The following KIF2C variants were observed in gnomAD, a reference collection of about 807,000 sequenced individuals.
KIF2C encodes kinesin family member 2C.
In KIF2C, 34 loss-of-function variants were observed where a neutral mutation model predicts 97.4. That is an observed-to-expected ratio of 0.35 (90% CI 0.27 to 0.46). The LOEUF (loss-of-function observed/expected upper bound fraction) is 0.46. Ranked by LOEUF, KIF2C falls within the 20% of genes least tolerant of loss-of-function variation. The probability of loss-of-function intolerance (pLI) is 1.00; values close to 1 mark genes in which losing one functional copy is unlikely to be tolerated. For missense variants in KIF2C, 750 were observed against 907.6 expected (o/e 0.83, Z 2.23); for synonymous variants, 313 against 318.2 (o/e 0.98, Z 0.17).
At chr1:44,757,866 C>A in intron 11 of KIF2C, 42 bp from the exon 12 acceptor site, 1 of 1,595,780 alleles carries the variant, frequency 6.3e-7, no homozygotes, top group Non-Finnish European at 8.6e-7. Context: ...TGCTCTAGGC[C>A]AACAGCCCTT....
chr1:44,743,187 G>GT (rs1371058962), intron 2 of KIF2C, among the ~76,000 whole-genome samples: 1 of 152,232 alleles, frequency 6.6e-6, no homozygotes, highest in Non-Finnish European at 1.5e-5. Context: ...GGAGAGCACT[G>GT]TGACTAAGAC....
intron 16 of KIF2C, among the ~76,000 whole-genome samples, chr1:44,761,430 A>T (rs926841222): frequency 7.2e-5 from 11 of 151,762 alleles, no homozygotes; most frequent in Non-Finnish European, 1.5e-5. Flanking sequence ...ACATGGTGAA[A>T]CCCCATCTCT....
intron 1 of KIF2C, 125 bp from the exon 2 acceptor site, chr1:44,740,788 T>TG: frequency 4.6e-6 from 2 of 431,880 alleles, no homozygotes; most frequent in Non-Finnish European, 4.3e-6. Context: ...AGTTTTTTTT[T>TG]TTTTTTTTTT....
In KIF2C at chr1:44,759,273, T is replaced by C. The variant is rs1195897617; in HGVS notation, c.1292T>C (p.Val431Ala). The C allele has an allele frequency of 6.2e-7, 1 of 1,613,980 alleles. No individual in the cohort carries two copies. The highest frequency in any genetic ancestry group is 1.3e-5 in the African/African-American group (1 of 74,898). ...VLEDGKQQVQ[V>A]VGLQEHLVNS... ...GAGGACGGCAAGCAACAGGTGCAAG[T>C]GGTGGGGCTGCAGGAGCATCTGGTT... Residue 431 changes from valine to alanine, a missense_variant, in exon 14 of 21, where the codon GTG becomes GCG. Val to Ala is a moderately conservative substitution (Grantham distance 64). Transcript: ENST00000372224.
At chr1:44,746,567 C>A in intron 2 of KIF2C, 1 of 1,365,770 alleles carries the variant, frequency 7.3e-7, no homozygotes, top group Non-Finnish European at 9.4e-7. Flanking sequence ...CCGTGTCAGC[C>A]ATCAAGAGGT....
At chr1:44,755,793 C>T (rs1649796623) in intron 8 of KIF2C, 136 bp from the exon 9 acceptor site, 5 of 711,538 alleles carry the variant, frequency 7.0e-6, no homozygotes, top group Non-Finnish European at 1.2e-5. Context: ...ATGGAGGATG[C>T]AGGGGTCCTA....
chr1:44,740,129 T>G (rs1434201355), intron 1 of KIF2C, 127 bp downstream of exon 1: 3 of 1,095,542 alleles, frequency 2.7e-6, no homozygotes, highest in Non-Finnish European at 4.2e-6. Flanking sequence ...TCACACGCAC[T>G]CACTCCGGGT....
chr1:44,757,700 C>A, intron 11 of KIF2C, 54 bp downstream of exon 11: 1 of 1,318,904 alleles, frequency 7.6e-7, no homozygotes, highest in Non-Finnish European at 1.1e-6. Context: ...ACCCCTGGCT[C>A]CCTATAAAGG....
chr1:44,761,809 G>A, intron 16 of KIF2C, 107 bp from the exon 17 acceptor site: 2 of 1,011,110 alleles, frequency 2.0e-6, no homozygotes, highest in Non-Finnish European at 3.1e-6. Context: ...TACCATGTGG[G>A]TCTCCAAAGC....
chr1:44,761,842 G>A lies in KIF2C; in HGVS notation c.1684-74G>A, dbSNP rs530187762. 1.4e-3 allele frequency: 1,916 copies of A among 1,361,776 alleles called. 3 individuals carry two copies. The highest frequency in any genetic ancestry group is 1.9e-3 in the Non-Finnish European group (1,763 of 950,786). 84.4% of individuals were successfully genotyped at this position (1,361,776 alleles called of 1,614,324 possible). A position where few individuals can be genotyped will look rare whatever the true frequency, so the allele number is the denominator to read the frequency against. The stretch of plus-strand genomic sequence containing the variant: ...AGCTTGAAGAAACACCCTGACTGGA[G>A]GCCCCTCAGGGACAGGCTATATAGC... On this transcript the variant is annotated intron_variant, in intron 16 of 20. Coordinates refer to ENST00000372224, the MANE Select transcript of KIF2C (RefSeq NM_006845.4).
chr1:44,750,274 C>T (rs565881653), intron 4 of KIF2C, 168 bp from the exon 5 acceptor site: 17 of 605,258 alleles, frequency 2.8e-5, no homozygotes, highest in Non-Finnish European at 4.0e-5. Flanking sequence ...TTTGGGGTTA[C>T]TGGTACTTGG....
At position 44,759,333 on chromosome 1, in the gene KIF2C, T is replaced by A; in HGVS notation, c.1352T>A (p.Met451Lys). 6.2e-7 allele frequency: 1 copy of A among 1,614,142 alleles called. No individual in the cohort carries two copies. Among genetic ancestry groups the A allele is most frequent in the South Asian group, 1.1e-5 (1 of 91,080 alleles). ...GATGATGTCATCAAGATGATCGACA[T>A]GGGCAGCGCCTGCAGGTGAGAGTCC... The part of the protein sequence containing the change: ...SADDVIKMID[M>K]GSACRTSGQT... The change falls in exon 14 of 21, where the codon ATG (methionine) becomes AAG (lysine). Residue 451 changes from methionine (M) to lysine (K), a missense_variant. By Grantham distance (95) the Met-to-Lys change is moderately conservative. Coordinates refer to ENST00000372224, the MANE Select transcript of KIF2C (RefSeq NM_006845.4).
chr1:44,758,196 C>T (rs1649944896), intron 13 of KIF2C, 56 bp downstream of exon 13: 5 of 1,521,314 alleles, frequency 3.3e-6, no homozygotes, highest in Non-Finnish European at 4.5e-6. Flanking sequence ...TTTTTAAAAC[C>T]TTGAAGCTGG....
chr1:44,765,854 C>T (rs180854724), intron 19 of KIF2C, among the ~76,000 whole-genome samples: 1 of 152,246 alleles, frequency 6.6e-6, no homozygotes, highest in Non-Finnish European at 1.5e-5. Context: ...GAATTTGAGA[C>T]CAGCCTGGCT....
intron 13 of KIF2C, chr1:44,758,958 G>T: frequency 2.0e-6 from 1 of 506,840 alleles, no homozygotes; most frequent in Admixed American, 3.2e-5. Flanking sequence ...TGAGATGCAA[G>T]GCTAGAGTGG....
chr1:44,742,163 G>T (rs1264546191), intron 2 of KIF2C, among the ~76,000 whole-genome samples: 1 of 151,946 alleles, frequency 6.6e-6, no homozygotes, highest in African/African-American at 2.4e-5. Context: ...AGGCTGGAGT[G>T]CAGTGGCGAG....
rs1649668145 is a variant in KIF2C at position 44,753,903 on chromosome 1, A to G, written c.663+70A>G. ...CCTTAACCGAAACTCTACGGGCAAC[A>G]GAGATACAGTTGGGCCCCAGCATTT... is the stretch of plus-strand genomic sequence containing the variant. On this transcript the variant is annotated intron_variant, in intron 7 of 20. Coordinates refer to ENST00000372224, the MANE Select transcript of KIF2C (RefSeq NM_006845.4). The G allele has an allele frequency of 3.9e-6, 3 of 762,624 alleles. No individual in the cohort carries two copies. The Admixed American group carries it at 8.4e-5, about 21-fold the overall frequency. The allele number at this position is 762,624 out of a possible 1,614,324, so 47.2% of individuals were successfully genotyped here. A position where few individuals can be genotyped will look rare whatever the true frequency, so the allele number is the denominator to read the frequency against.
intron 19 of KIF2C, 53 bp downstream of exon 19, chr1:44,762,711 C>A (rs1650231807): frequency 1.7e-6 from 2 of 1,149,470 alleles, no homozygotes; most frequent in Non-Finnish European, 2.6e-6. Context: ...CCTCAGTATG[C>A]TCCACACCAT....
At chr1:44,746,007 G>T (rs571699140) in intron 2 of KIF2C, among the ~76,000 whole-genome samples, 127 of 152,170 alleles carry the variant, frequency 8.3e-4, no homozygotes, top group African/African-American at 2.9e-3. Flanking sequence ...CTCCTGAGTA[G>T]CTGGGATTAC....
Sources: allele counts gnomAD v4.1 joint callset (sites outside exome capture counted in the v4.1 genomes callset), GRCh38; gene constraint gnomAD v4.1.1; transcripts MANE v1.5; gene names NCBI Gene and HGNC (gene_info 2026-07-23, HGNC 2026-07-21).